The following ACBD3 variants were observed in gnomAD, a reference collection of about 807,000 sequenced individuals.
ACBD3 encodes Golgi resident protein GCP60.
A neutral mutation model predicts 66.9 loss-of-function variants in ACBD3; 30 were observed. The ratio of observed to expected loss-of-function variants is 0.45; its 90% confidence interval spans 0.34 to 0.61. The LOEUF is 0.61. ACBD3 is among the 20% of genes least tolerant of loss of function. ACBD3 has a pLI of 0.02. For missense variants in ACBD3, 544 were observed against 664.5 expected (o/e 0.82, Z 1.99); for synonymous variants, 278 against 259.8 (o/e 1.07, Z -0.68).
intron 7 of ACBD3, among the ~76,000 whole-genome samples, chr1:226,148,229 G>A (rs1457921545): frequency 6.6e-6 from 1 of 152,298 alleles, no homozygotes; most frequent in African/African-American, 2.4e-5. Context: ...TATCAATATT[G>A]TTTCATTAGC....
At chr1:226,183,757 G>A in intron 1 of ACBD3, among the ~76,000 whole-genome samples, 1 of 151,678 alleles carries the variant, frequency 6.6e-6, no homozygotes, top group East Asian at 1.9e-4. Flanking sequence ...GGTGGCACAT[G>A]CCTGTAATCT....
intron 1 of ACBD3, among the ~76,000 whole-genome samples, chr1:226,170,547 A>G (rs1423106292): frequency 6.6e-6 from 1 of 151,996 alleles, no homozygotes; most frequent in Non-Finnish European, 1.5e-5. Context: ...AATCACATGG[A>G]AACTATTCAC....
chr1:226,184,709 T>C (rs927202515), intron 1 of ACBD3, among the ~76,000 whole-genome samples: 6 of 152,192 alleles, frequency 3.9e-5, no homozygotes, highest in Admixed American at 2.0e-4. Flanking sequence ...ATCTTTTTCT[T>C]TGTTTTGAGA....
chr1:226,180,785 G>A (rs963562653), intron 1 of ACBD3, among the ~76,000 whole-genome samples: 21 of 152,276 alleles, frequency 1.4e-4, no homozygotes, highest in African/African-American at 4.8e-4. Flanking sequence ...GATTACCTGA[G>A]GTCAGGAGCT....
intron 6 of ACBD3, 166 bp downstream of exon 6, chr1:226,154,480 CT>C (rs1659635794): frequency 1.4e-6 from 1 of 711,138 alleles, no homozygotes; most frequent in South Asian, 2.2e-5. Context: ...CTACACTGGT[CT>C]ATGAGTCACC....
intron 1 of ACBD3, 147 bp downstream of exon 1, chr1:226,186,243 C>T: frequency 9.2e-7 from 1 of 1,081,146 alleles, no homozygotes; most frequent in East Asian, 3.3e-5. Flanking sequence ...ACTTCGGGTA[C>T]CCCCAAGGAG....
chr1:226,164,537 A>G (rs746916435), intron 3 of ACBD3, among the ~76,000 whole-genome samples: 17 of 152,140 alleles, frequency 1.1e-4, no homozygotes, highest in Non-Finnish European at 2.1e-4. Flanking sequence ...TAATAAAACA[A>G]AAGGAAGGCT....
intron 7 of ACBD3, among the ~76,000 whole-genome samples, chr1:226,150,026 T>C (rs1659538432): frequency 6.6e-6 from 1 of 151,658 alleles, no homozygotes; most frequent in African/African-American, 2.4e-5. Flanking sequence ...GCTACAGTCC[T>C]GCTCTCTAAC....
chr1:226,180,953 C>G (rs752733373), intron 1 of ACBD3, among the ~76,000 whole-genome samples: 1 of 149,922 alleles, frequency 6.7e-6, no homozygotes. Context: ...GAGCTGAGAT[C>G]GCGCCATTGC....
In ACBD3 at chr1:226,186,523, C is replaced by A; in HGVS notation, c.153G>T (p.Pro51=). The change falls in exon 1 of 8, where the codon CCG becomes CCT. Residue 51 remains proline, a synonymous_variant. Transcript: ENST00000366812. ...PPSPPGSGRG[P]GASGEQPEPG... is the part of the protein sequence containing the mutation. Reference sequence around the variant, plus strand: ...GCTCGGGCTGCTCCCCTGAGGCGCCCGGGCCGCGACCGGATCCAGGTGGCG... The same window carrying A: ...GCTCGGGCTGCTCCCCTGAGGCGCCAGGGCCGCGACCGGATCCAGGTGGCG... 1 of 1,393,418 alleles carries A rather than the reference C, an allele frequency of 7.2e-7. No homozygotes were observed. Among genetic ancestry groups the A allele is most frequent in the East Asian group, 3.1e-5 (1 of 32,684 alleles). The allele number at this position is 1,393,418 out of a possible 1,614,324, so 86.3% of individuals were successfully genotyped here. A position where few individuals can be genotyped will look rare whatever the true frequency, so the allele number is the denominator to read the frequency against.
intron 1 of ACBD3, among the ~76,000 whole-genome samples, chr1:226,178,236 G>A (rs1456784050): frequency 6.6e-6 from 1 of 152,004 alleles, no homozygotes; most frequent in African/African-American, 2.4e-5. Flanking sequence ...AGCTCTGAAA[G>A]ATTACAATTA....
Position 226,152,657 on chromosome 1 carries a change from G to A in ACBD3, c.1091-38C>T, listed in dbSNP as rs757940183. ...GGTATTAAAAAGCTAAAGAAAAAGA[G>A]CCTTCACCCTGCAGGTAGCCACATT... On this transcript the variant is annotated intron_variant, in intron 6 of 7. Coordinates refer to ENST00000366812, the MANE Select transcript of ACBD3 (RefSeq NM_022735.4). The A allele has an allele frequency of 1.9e-6, 3 of 1,581,970 alleles. No homozygotes were observed. In the Admixed American group the frequency reaches 5.5e-5, roughly 29 times the overall value.
At chr1:226,155,126 A>G (rs188750283) in intron 5 of ACBD3, 94 of 205,506 alleles carry the variant, frequency 4.6e-4, no homozygotes, top group African/African-American at 2.0e-3. Flanking sequence ...ACCAGGAAAA[A>G]TGAAAGTAAG....
chr1:226,158,412 A>G (rs950930885), intron 5 of ACBD3, among the ~76,000 whole-genome samples: 15 of 152,356 alleles, frequency 9.8e-5, no homozygotes, highest in African/African-American at 3.6e-4. Context: ...AGTGTCTTCT[A>G]CAAGTACAAA....
chr1:226,155,403 G>C (rs892629834), intron 5 of ACBD3, among the ~76,000 whole-genome samples: 1 of 132,814 alleles, frequency 7.5e-6, no homozygotes, highest in African/African-American at 2.9e-5. Context: ...AGCAACAAAA[G>C]CGAAACTCCA....
In ACBD3 at chr1:226,186,587, T is replaced by C; in HGVS notation, c.89A>G (p.Glu30Gly). The change falls in exon 1 of 8, where the codon GAG (glutamate) becomes GGG (glycine). Residue 30 changes from glutamate (E) to glycine (G), a missense_variant. By Grantham distance (98) the Glu-to-Gly change is moderately conservative. This residue lies in a region of ACBD3 where 137 missense variants were observed against 145.9 expected (regional missense o/e 0.94). Transcript: ENST00000366812. ...CGGTGGCGGCAGCAGCGGGGCGCCC[T>C]CCGCCCCAGGCCGCTCCTCCGGGTC... ...SPDPEERPGA[E>G]GAPLLPPPLP... The C allele has an allele frequency of 7.2e-7, 1 of 1,387,234 alleles. No individual in the cohort carries two copies. Among genetic ancestry groups the C allele is most frequent in the Non-Finnish European group, 9.3e-7 (1 of 1,074,564 alleles). The allele number at this position is 1,387,234 out of a possible 1,614,324, so 85.9% of individuals were successfully genotyped here.
chr1:226,181,020 GACA>G (rs894841230), intron 1 of ACBD3, among the ~76,000 whole-genome samples: 40 of 149,692 alleles, frequency 2.7e-4, no homozygotes, highest in African/African-American at 9.6e-4. Flanking sequence ...AAAAAACAAT[GACA>G]ACAACAACAC....
At chr1:226,179,883 G>A (rs1009533777) in intron 1 of ACBD3, among the ~76,000 whole-genome samples, 4 of 150,786 alleles carry the variant, frequency 2.7e-5, no homozygotes, top group African/African-American at 9.8e-5. Flanking sequence ...TATTAAAACT[G>A]AAAAACCAAC....
chr1:226,168,536 C>G (rs1215169647), intron 1 of ACBD3, among the ~76,000 whole-genome samples: 1 of 152,192 alleles, frequency 6.6e-6, no homozygotes, highest in South Asian at 2.1e-4. Flanking sequence ...TCATGCTCTG[C>G]ATAATGGCAT....
Sources: gnomAD v4.1 joint callset for allele counts (sites outside exome capture counted in the v4.1 genomes callset) on GRCh38, gnomAD v4.1.1 for gene constraint, gnomAD v4.1.1 regional missense constraint, MANE v1.5 for transcripts, NCBI Gene and HGNC (gene_info 2026-07-23, HGNC 2026-07-21) for gene names.